Variants in PPP1R9A observed in about 807,000 individuals in gnomAD.
The protein encoded by PPP1R9A is neurabin-1.
A neutral mutation model predicts 141.9 loss-of-function variants in PPP1R9A; 59 were observed. That is an observed-to-expected ratio of 0.42 (90% CI 0.34 to 0.52). The LOEUF is 0.52. Ranked by LOEUF, PPP1R9A falls within the 20% of genes least tolerant of loss-of-function variation. The probability of loss-of-function intolerance (pLI) is 0.10; values close to 1 mark genes in which losing one functional copy is unlikely to be tolerated. For missense variants in PPP1R9A, 1,444 were observed against 1,611.9 expected (o/e 0.90, Z 1.78); for synonymous variants, 500 against 569.7 (o/e 0.88, Z 1.74).
intron 5 of PPP1R9A, among the ~76,000 whole-genome samples, chr7:95,166,411 A>G (rs1238537413): frequency 6.6e-6 from 1 of 152,166 alleles, no homozygotes; most frequent in Non-Finnish European, 1.5e-5. Context: ...AAACTTAGAC[A>G]AACTGGATAA....
At chr7:95,239,491 A>C (rs547596316) in intron 8 of PPP1R9A, among the ~76,000 whole-genome samples, 36 of 152,252 alleles carry the variant, frequency 2.4e-4, no homozygotes, top group African/African-American at 8.7e-4. Context: ...CCTGGGAGGT[A>C]GAGGCTTCAG....
At chr7:95,185,691 A>G (rs1834545332) in intron 5 of PPP1R9A, among the ~76,000 whole-genome samples, 1 of 152,014 alleles carries the variant, frequency 6.6e-6, no homozygotes, top group Non-Finnish European at 1.5e-5. Flanking sequence ...TCCATCTTGA[A>G]TTGATTTTTG....
At chr7:95,036,141 A>G (rs1266176918) in intron 2 of PPP1R9A, 1 of 152,210 alleles carries the variant, frequency 6.6e-6, no homozygotes, top group Non-Finnish European at 1.5e-5. Context: ...TTAGCATTTT[A>G]TTTAATGAAT....
At chr7:95,034,898 A>G (rs1458890204) in intron 2 of PPP1R9A, among the ~76,000 whole-genome samples, 1 of 152,194 alleles carries the variant, frequency 6.6e-6, no homozygotes, top group African/African-American at 2.4e-5. Flanking sequence ...TTTCTGTTCT[A>G]TAGCAGATGA....
intron 2 of PPP1R9A, among the ~76,000 whole-genome samples, chr7:95,045,858 T>A (rs183080104): frequency 6.6e-6 from 1 of 152,156 alleles, no homozygotes; most frequent in African/African-American, 2.4e-5. Context: ...CTGTAATATA[T>A]TGATGCAACA....
intron 2 of PPP1R9A, among the ~76,000 whole-genome samples, chr7:95,084,455 C>T (rs527893368): frequency 1.3e-5 from 2 of 152,026 alleles, no homozygotes; most frequent in South Asian, 4.2e-4. Flanking sequence ...TGGGTACCCA[C>T]CATTTAGCTT....
At chr7:95,026,866 C>G (rs1257673892) in intron 2 of PPP1R9A, among the ~76,000 whole-genome samples, 1 of 152,174 alleles carries the variant, frequency 6.6e-6, no homozygotes, top group Admixed American at 6.5e-5. Context: ...AACTTCCCCT[C>G]TGCTTTGTTT....
At chr7:95,229,292 G>A (rs754559897) in intron 8 of PPP1R9A, among the ~76,000 whole-genome samples, 34 of 151,956 alleles carry the variant, frequency 2.2e-4, no homozygotes, top group Admixed American at 7.2e-4. Flanking sequence ...CTGGATCACC[G>A]CTGCAGGCTC....
intron 7 of PPP1R9A, among the ~76,000 whole-genome samples, chr7:95,206,114 A>G (rs1023387882): frequency 3.3e-5 from 5 of 152,234 alleles, no homozygotes; most frequent in Non-Finnish European, 5.9e-5. Flanking sequence ...GGCCTAAATT[A>G]CAATACTGCA....
At chr7:94,940,200 T>C (rs1389449029) in intron 2 of PPP1R9A, among the ~76,000 whole-genome samples, 2 of 152,100 alleles carry the variant, frequency 1.3e-5, no homozygotes, top group Non-Finnish European at 1.5e-5. Context: ...TATAACATCT[T>C]GAGGAGGCTG....
chr7:95,130,263 C>T (rs889182323), intron 4 of PPP1R9A, among the ~76,000 whole-genome samples: 1 of 152,050 alleles, frequency 6.6e-6, no homozygotes. Flanking sequence ...CTGAAAGGGG[C>T]CAAGGTAGCT....
At chr7:95,274,226 CTTCTA>C in intron 16 of PPP1R9A, 58 bp downstream of exon 16, 1 of 1,414,134 alleles carries the variant, frequency 7.1e-7, no homozygotes, top group Non-Finnish European at 9.5e-7. Context: ...CTGGCCCCCT[CTTCTA>C]TTGTTAACCA....
chr7:95,107,657 G>A (rs1018874), intron 2 of PPP1R9A, among the ~76,000 whole-genome samples: 72,810 of 151,904 alleles, frequency 0.48, 18,174 homozygotes, highest in African/African-American at 0.57. Context: ...TATAAAAATG[G>A]ATCTATCCCA....
intron 14 of PPP1R9A, among the ~76,000 whole-genome samples, chr7:95,270,826 A>G (rs1036529933): frequency 6.6e-5 from 10 of 152,206 alleles, no homozygotes; most frequent in Non-Finnish European, 1.5e-4. Context: ...GTGTTCAAAA[A>G]TATTCATTGA....
In PPP1R9A at chr7:95,163,625, G is replaced by C. The variant is rs141830330; in HGVS notation, c.1754+1654G>C. Among the ~76,000 whole-genome samples, 1,155 of 152,320 alleles carry C rather than the reference G, an allele frequency of 7.6e-3. 28 individuals carry two copies. The highest frequency in any genetic ancestry group is 0.04 in the Admixed American group (619 of 15,296). The stretch of plus-strand genomic sequence containing the variant: ...AATATTTCCTTTGGGTGTCATGTCA[G>C]TGCTCAAAAAGTTCTGAGTGTTCTG... On this transcript the variant is annotated intron_variant, in intron 5 of 19. Transcript: ENST00000433360.
intron 2 of PPP1R9A, among the ~76,000 whole-genome samples, chr7:95,085,950 A>G (rs1434659585): frequency 6.6e-6 from 1 of 151,912 alleles, no homozygotes; most frequent in African/African-American, 2.4e-5. Context: ...CAATACACTA[A>G]TCCACTTGGA....
intron 2 of PPP1R9A, among the ~76,000 whole-genome samples, chr7:95,105,457 C>T (rs1038642970): frequency 1.3e-5 from 2 of 152,126 alleles, no homozygotes; most frequent in African/African-American, 4.8e-5. Context: ...GATCGAGAAA[C>T]CAGAATATCA....
Position 94,911,410 on chromosome 7 carries a change from T to C in PPP1R9A, c.1297T>C (p.Tyr433His), listed in dbSNP as rs1391526000. 1 of 1,613,952 alleles carries C rather than the reference T, an allele frequency of 6.2e-7. No homozygotes were observed. The change falls in exon 2 of 20, where the codon TAT becomes CAT. Residue 433 changes from tyrosine (Y) to histidine (H), a missense_variant. This residue lies in a region of PPP1R9A where 490 missense variants were observed against 521.1 expected (regional missense o/e 0.94). Transcript: ENST00000433360. The stretch of plus-strand genomic sequence containing the variant: ...GGAAGATAGTGATGAGAACAGTTAC[T>C]ATCAGCCTGATATGGAGTACTCGGA... ...EEEDSDENSYYQPDMEYSEIV... is the reference protein window; with the variant it reads ...EEEDSDENSYHQPDMEYSEIV...
At chr7:95,212,845 G>A (rs181718654) in intron 7 of PPP1R9A, among the ~76,000 whole-genome samples, 3 of 152,262 alleles carry the variant, frequency 2.0e-5, no homozygotes, top group East Asian at 3.9e-4. Flanking sequence ...ATGGTTTATG[G>A]GATTTCTTTA....
Sources: allele counts gnomAD v4.1 joint callset (sites outside exome capture counted in the v4.1 genomes callset), GRCh38; gene constraint gnomAD v4.1.1; regional missense constraint gnomAD v4.1.1; transcripts MANE v1.5; gene names NCBI Gene and HGNC (gene_info 2026-07-23, HGNC 2026-07-21).